Variants in ANKRD16 observed in about 807,000 individuals in gnomAD.
ANKRD16 encodes ankyrin repeat domain 16.
Under a neutral mutation model 37.9 loss-of-function variants are expected in ANKRD16, and 35 were observed. That is an observed-to-expected ratio of 0.92 (90% CI 0.71 to 1.23). The LOEUF is 1.23. Ranked by LOEUF, ANKRD16 falls within the 50% of genes most tolerant of loss-of-function variation. The pLI is 0.00. For synonymous variants in ANKRD16, 206 were observed against 197.2 expected (o/e 1.04, Z -0.37); for missense variants, 480 against 469.9 (o/e 1.02, Z -0.20).
chr10:5,887,756 C>T (rs1220027189), intron 2 of ANKRD16, 91 bp downstream of exon 2: 18 of 1,107,352 alleles, frequency 1.6e-5, no homozygotes, highest in Non-Finnish European at 2.2e-5. Context: ...CTCCTTTCCC[C>T]TGAAGGTGAC....
rs921693880 is a variant in ANKRD16 at position 5,866,790 on chromosome 10, AAG to A, written c.*34-4101_*34-4100del. Among the ~76,000 whole-genome samples the A allele has an allele frequency of 2.0e-4, 30 of 152,094 alleles. No homozygotes were observed. Among genetic ancestry groups the A allele is most frequent in the African/African-American group, 6.3e-4 (26 of 41,410 alleles). ...GGAGAGAAAGAGACAGACAGAGAGA[AAG>A]AGAGGAAGAGACAGAGACAAAGGAG... On this transcript the variant is annotated intron_variant, in intron 7 of 7. Transcript: ENST00000380094. This position sits in a 1 kb window ranked among gnomAD's most constrained non-coding sequence, Gnocchi z 4.3.
rs112547140 is a variant in ANKRD16 at position 5,871,950 on chromosome 10, T to C, written c.*33+6147A>G. Among the ~76,000 whole-genome samples, 4,159 of 152,076 alleles carry C rather than the reference T, an allele frequency of 0.027. 176 individuals are homozygous for C. Among genetic ancestry groups the C allele is most frequent in the African/African-American group, 0.094 (3,907 of 41,444 alleles). On this transcript the variant is annotated intron_variant, in intron 7 of 7. Coordinates refer to ENST00000380094, the MANE Select transcript of ANKRD16 (RefSeq NM_019046.3). The surrounding 1 kb of genome is among the most constrained non-coding windows in gnomAD (Gnocchi z 4.5). The stretch of plus-strand genomic sequence containing the variant: ...TGTGCAGCCCATATCTCCCACCCAC[T>C]CGCATGGCCCAACCTCCAGTGATCA...
chr10:5,879,281 C>T (rs988587547), intron 6 of ANKRD16, among the ~76,000 whole-genome samples: 1 of 152,130 alleles, frequency 6.6e-6, no homozygotes, highest in South Asian at 2.1e-4. Context: ...TGAGACCAGT[C>T]TGGCCAACAT....
At chr10:5,883,542 G>C (rs540232022) in intron 4 of ANKRD16, among the ~76,000 whole-genome samples, 200 of 152,206 alleles carry the variant, frequency 1.3e-3, no homozygotes, top group Middle Eastern at 6.8e-3. Context: ...TGACCCACCC[G>C]CTTTGGCCTC....
At chr10:5,880,198 AAAAAAAG>A in intron 6 of ANKRD16, 93 bp downstream of exon 6, 7 of 310,216 alleles carry the variant, frequency 2.3e-5, no homozygotes, top group South Asian at 1.3e-4. Flanking sequence ...AAAAAAAAAA[AAAAAAAG>A]GAAGAATATT....
intron 5 of ANKRD16, 29 bp downstream of exon 5, chr10:5,882,977 C>A: frequency 6.2e-7 from 1 of 1,605,874 alleles, no homozygotes; most frequent in Non-Finnish European, 8.5e-7. Flanking sequence ...CTCAGGGAAG[C>A]TCGGACAACG....
At chr10:5,882,133 A>T (rs1842326976) in intron 5 of ANKRD16, among the ~76,000 whole-genome samples, 1 of 152,216 alleles carries the variant, frequency 6.6e-6, no homozygotes. Flanking sequence ...ATGAGACTAC[A>T]GTTAAGGTTC....
At chr10:5,867,992 G>A (rs377494449) in intron 7 of ANKRD16, among the ~76,000 whole-genome samples, 11 of 152,248 alleles carry the variant, frequency 7.2e-5, no homozygotes, top group East Asian at 5.8e-4. Context: ...ACGAGATGCC[G>A]CCTGGCGTTT....
chr10:5,872,704 C>A (rs573981805), intron 7 of ANKRD16, among the ~76,000 whole-genome samples: 5 of 150,868 alleles, frequency 3.3e-5, no homozygotes, highest in Admixed American at 6.6e-5. Flanking sequence ...CTACAGGCGC[C>A]CGCCACCACA....
At chr10:5,885,879 A>T in intron 2 of ANKRD16, 114 bp from the exon 3 acceptor site, 1 of 1,068,482 alleles carries the variant, frequency 9.4e-7, no homozygotes, top group Admixed American at 2.5e-5. Context: ...TACAAGAAGG[A>T]GTCATTAAAT....
At position 5,878,148 on chromosome 10, in the gene ANKRD16, G is replaced by T. The variant is rs1226926286; in HGVS notation, c.1068C>A (p.Gly356=). The T allele has an allele frequency of 6.2e-7, 1 of 1,614,090 alleles. No individual in the cohort carries two copies. Among genetic ancestry groups the T allele is most frequent in the African/African-American group, 1.3e-5 (1 of 75,034 alleles). The part of the protein sequence containing the change: ...PRRADVLQGS[G]HSAMT ...AACATCCTTATGTCATTGCGCTATG[G>T]CCAGAGCCCTGAAGGACATCTGCTC... is the stretch of plus-strand genomic sequence containing the variant. Residue 356 remains glycine, a synonymous_variant, in exon 7 of 8, where the codon GGC becomes GGA. Transcript: ENST00000380094. The surrounding 1 kb of genome is among the most constrained non-coding windows in gnomAD (Gnocchi z 5.1).
chr10:5,885,422 T>C (rs539798401), intron 3 of ANKRD16, among the ~76,000 whole-genome samples: 2 of 152,276 alleles, frequency 1.3e-5, no homozygotes, highest in Non-Finnish European at 2.9e-5. Context: ...GACCTTGTGA[T>C]CCGCCCGCCT....
chr10:5,885,631 TA>T, intron 3 of ANKRD16, 91 bp downstream of exon 3: 2 of 1,411,464 alleles, frequency 1.4e-6, no homozygotes, highest in Non-Finnish European at 1.9e-6. Context: ...ATTTTTTTCT[TA>T]AAAATGTGTC....
chr10:5,872,783 C>T (rs902853860), intron 7 of ANKRD16, among the ~76,000 whole-genome samples: 1 of 151,900 alleles, frequency 6.6e-6, no homozygotes, highest in African/African-American at 2.4e-5. Flanking sequence ...GTCTTAATTT[C>T]CTGACCTCGT....
chr10:5,881,405 T>A (rs1475276452), intron 5 of ANKRD16, among the ~76,000 whole-genome samples: 3 of 141,254 alleles, frequency 2.1e-5, no homozygotes, highest in Non-Finnish European at 1.5e-5. Context: ...TAGGAATTAT[T>A]ATAATAAATA....
chr10:5,871,168 C>T lies in ANKRD16; in HGVS notation c.*33+6929G>A, dbSNP rs193301115. Among the ~76,000 whole-genome samples the T allele has an allele frequency of 0.025, 3,844 of 152,248 alleles. 73 individuals are homozygous for T. The highest frequency in any genetic ancestry group is 0.04 in the Non-Finnish European group (2,708 of 68,014). On this transcript the variant is annotated intron_variant, in intron 7 of 7. Coordinates refer to ENST00000380094, the MANE Select transcript of ANKRD16 (RefSeq NM_019046.3). The surrounding 1 kb of genome is among the most constrained non-coding windows in gnomAD (Gnocchi z 4.5). ...TTGGGAGGCCAAGGTGGGCGGATCA[C>T]CTGAGGTTGGGAGTTCGAGACCAGC...
rs1842096810 is a variant in ANKRD16, at chr10:5,871,974, C to G, written c.*33+6123G>C. Reference sequence around the variant, plus strand: ...CTCGCATGGCCCAACCTCCAGTGATCAAATCCAACAGCCGTTTCTGTCCCC... The same window carrying G: ...CTCGCATGGCCCAACCTCCAGTGATGAAATCCAACAGCCGTTTCTGTCCCC... On this transcript the variant is annotated intron_variant, in intron 7 of 7. Transcript: ENST00000380094. The surrounding 1 kb of genome is among the most constrained non-coding windows in gnomAD (Gnocchi z 4.5). Among the ~76,000 whole-genome samples, 1 of 152,126 alleles carries G rather than the reference C, an allele frequency of 6.6e-6. No individual in the cohort carries two copies.
chr10:5,867,526 T>G (rs1842033800), intron 7 of ANKRD16, among the ~76,000 whole-genome samples: 1 of 152,240 alleles, frequency 6.6e-6, no homozygotes, highest in South Asian at 2.1e-4. Context: ...GTTTTATTAA[T>G]AGCAAAGAAA....
rs1842012601 is a variant in ANKRD16 at position 5,866,255 on chromosome 10, T to C, written c.*34-3564A>G. On this transcript the variant is annotated intron_variant, in intron 7 of 7. Transcript: ENST00000380094. The surrounding 1 kb of genome is among the most constrained non-coding windows in gnomAD (Gnocchi z 4.3). ...CAGAGGATGGGGAACCGATCGAGCA[T>C]GACTGCCAACAAGTTATAGTCCAGA... Among the ~76,000 whole-genome samples, 1 of 152,208 alleles carries C rather than the reference T, an allele frequency of 6.6e-6. No individual in the cohort carries two copies. Among genetic ancestry groups the C allele is most frequent in the South Asian group, 2.1e-4 (1 of 4,834 alleles).
Sources: allele counts gnomAD v4.1 joint callset (sites outside exome capture counted in the v4.1 genomes callset), GRCh38; gene constraint gnomAD v4.1.1; non-coding constraint Gnocchi (gnomAD v3.1); transcripts MANE v1.5; gene names NCBI Gene and HGNC (gene_info 2026-07-23, HGNC 2026-07-21).